EFCAB11: variants seen among roughly 807,000 people sequenced by gnomAD.
EFCAB11 encodes the protein EF-hand calcium binding domain 11.
Under a neutral mutation model 23.0 loss-of-function variants are expected in EFCAB11, and 14 were observed. That is an observed-to-expected ratio of 0.61 (90% confidence interval 0.40 to 0.95). EFCAB11 has a LOEUF of 0.95. EFCAB11 is among the 40% of genes least tolerant of loss of function. The pLI is 0.00. For synonymous variants in EFCAB11, 65 were observed against 66.6 expected (o/e 0.98, Z 0.11); for missense variants, 198 against 195.8 (o/e 1.01, Z -0.07).
chr14:89,954,039 A>T (rs1208506637), intron 1 of EFCAB11, 38 bp from the exon 2 acceptor site: 1 of 1,557,282 alleles, frequency 6.4e-7, no homozygotes. Context: ...ATGAGACAGA[A>T]ATGGTTTATT....
intron 5 of EFCAB11, among the ~76,000 whole-genome samples, chr14:89,900,922 A>G (rs1195450458): frequency 6.6e-6 from 1 of 152,210 alleles, no homozygotes; most frequent in Admixed American, 6.5e-5. Context: ...AAATCACTGG[A>G]AAGTTTAATT....
intron 5 of EFCAB11, among the ~76,000 whole-genome samples, chr14:89,919,050 C>A (rs1220748117): frequency 1.3e-5 from 2 of 151,658 alleles, no homozygotes; most frequent in Non-Finnish European, 2.9e-5. Flanking sequence ...ACACTTTGGT[C>A]ACATAGAGAT....
intron 5 of EFCAB11, among the ~76,000 whole-genome samples, chr14:89,927,992 G>C (rs1255410756): frequency 6.6e-6 from 1 of 152,088 alleles, no homozygotes. Flanking sequence ...CAAAGTGCTG[G>C]GATTACAGGT....
intron 3 of EFCAB11, 90 bp downstream of exon 3, chr14:89,950,007 G>T (rs1891111315): frequency 7.4e-7 from 1 of 1,354,026 alleles, no homozygotes; most frequent in South Asian, 1.3e-5. Context: ...CAACACATAG[G>T]AATTTGAGAT....
intron 5 of EFCAB11, among the ~76,000 whole-genome samples, chr14:89,886,767 G>C (rs74852683): frequency 0.023 from 3,506 of 152,172 alleles, 152 homozygotes; most frequent in African/African-American, 0.079. Flanking sequence ...TTAGTATCTC[G>C]ATATTTGGAA....
chr14:89,941,577 T>C (rs1310600984), intron 3 of EFCAB11, among the ~76,000 whole-genome samples: 3 of 145,738 alleles, frequency 2.1e-5, no homozygotes, highest in South Asian at 2.2e-4. Context: ...TTTTAAACTT[T>C]TTAGTACTTT....
intron 5 of EFCAB11, among the ~76,000 whole-genome samples, chr14:89,895,765 G>GC (rs1269060358): frequency 6.6e-6 from 1 of 152,156 alleles, no homozygotes; most frequent in Non-Finnish European, 1.5e-5. Flanking sequence ...CAGGACACCA[G>GC]CCCTCTAACT....
At chr14:89,939,628 A>AG (rs1158762647) in intron 3 of EFCAB11, among the ~76,000 whole-genome samples, 3 of 152,196 alleles carry the variant, frequency 2.0e-5, no homozygotes, top group Non-Finnish European at 4.4e-5. Flanking sequence ...CACCTCCTCT[A>AG]GGGGGCAGTG....
In EFCAB11 at chr14:89,932,523, T is replaced by C. The variant is rs776543348; in HGVS notation, c.319+3A>G. The C allele has an allele frequency of 7.6e-5, 123 of 1,612,602 alleles. No individual in the cohort carries two copies. The highest frequency in any genetic ancestry group is 1.0e-4 in the Non-Finnish European group (120 of 1,179,124). ...TACATCAAAACACTTTAGAGACACT[T>C]ACAGTAGGTGTCAAAGGCTGTGAAG... On this transcript the variant is annotated splice_donor_region_variant and intron_variant, in intron 4 of 5. Transcript: ENST00000316738.
chr14:89,839,380 G>C (rs972165171), intron 5 of EFCAB11, among the ~76,000 whole-genome samples: 2 of 152,154 alleles, frequency 1.3e-5, no homozygotes, highest in African/African-American at 4.8e-5. Flanking sequence ...ACCAGAGAGA[G>C]GGGCTTCTTT....
chr14:89,882,384 G>C (rs560425727), intron 5 of EFCAB11, among the ~76,000 whole-genome samples: 1 of 152,136 alleles, frequency 6.6e-6, no homozygotes, highest in East Asian at 1.9e-4. Flanking sequence ...TAGTGACTTT[G>C]ACTCTTTCCC....
chr14:89,829,401 T>G (rs559124434), intron 5 of EFCAB11, among the ~76,000 whole-genome samples: 1 of 152,336 alleles, frequency 6.6e-6, no homozygotes, highest in South Asian at 2.1e-4. Flanking sequence ...CATGATACTA[T>G]GGAAGCAGAT....
At chr14:89,921,157 T>A (rs12884144) in intron 5 of EFCAB11, among the ~76,000 whole-genome samples, 101,367 of 151,480 alleles carry the variant, frequency 0.67, 34,947 homozygotes, top group African/African-American at 0.84. Context: ...GTGGATGGGG[T>A]AGTGGGAGGA....
At chr14:89,818,686 TAAAGC>T (rs1242926274) in intron 5 of EFCAB11, among the ~76,000 whole-genome samples, 1 of 152,028 alleles carries the variant, frequency 6.6e-6, no homozygotes, top group Non-Finnish European at 1.5e-5. Flanking sequence ...AACTCAATAA[TAAAGC>T]AAATACCACG....
At chr14:89,872,708 G>A (rs771032669) in intron 5 of EFCAB11, among the ~76,000 whole-genome samples, 2 of 152,118 alleles carry the variant, frequency 1.3e-5, no homozygotes, top group Non-Finnish European at 2.9e-5. Context: ...TGTTAAAGAG[G>A]TGATTACATT....
intron 5 of EFCAB11, among the ~76,000 whole-genome samples, chr14:89,822,295 T>C (rs1886547830): frequency 1.3e-5 from 2 of 152,254 alleles, no homozygotes; most frequent in Non-Finnish European, 2.9e-5. Flanking sequence ...AGTTTATATA[T>C]GTATTATTAA....
chr14:89,837,789 G>A (rs980301695), intron 5 of EFCAB11, among the ~76,000 whole-genome samples: 2 of 152,042 alleles, frequency 1.3e-5, no homozygotes, highest in Non-Finnish European at 2.9e-5. Flanking sequence ...TTCTACATCT[G>A]CAAAGGGAAA....
At chr14:89,933,624 C>G (rs1249425567) in intron 3 of EFCAB11, among the ~76,000 whole-genome samples, 5 of 152,044 alleles carry the variant, frequency 3.3e-5, no homozygotes, top group Non-Finnish European at 7.4e-5. Flanking sequence ...TAAATGATTC[C>G]TTTTAGGACC....
In EFCAB11 at chr14:89,892,167, T is replaced by C. The variant is rs374476329; in HGVS notation, c.410+39374A>G. On this transcript the variant is annotated intron_variant, in intron 5 of 5. Transcript: ENST00000316738. The stretch of plus-strand genomic sequence containing the variant: ...CCGGACAAGGTCATCTTCCTGCTGG[T>C]TGGCCACAAGAGTGACCTGCAGAGC... 24 of 1,572,580 alleles carry C rather than the reference T, an allele frequency of 1.5e-5. 1 individual carries two copies. The highest frequency in any genetic ancestry group is 5.6e-5 in the Admixed American group (3 of 53,346).
Sources: allele counts gnomAD v4.1 joint callset (sites outside exome capture counted in the v4.1 genomes callset), GRCh38; gene constraint gnomAD v4.1.1; transcripts MANE v1.5; gene names NCBI Gene and HGNC (gene_info 2026-07-23, HGNC 2026-07-21).